OSBPL1A: variants seen among roughly 807,000 people sequenced by gnomAD.
The protein encoded by OSBPL1A is oxysterol-binding protein-related protein 1.
OSBPL1A carries 80 observed loss-of-function variants against 137.1 expected under a neutral mutation model. The ratio of observed to expected loss-of-function variants is 0.58; its 90% CI spans 0.49 to 0.70. The LOEUF (loss-of-function observed/expected upper bound fraction) is 0.70, where lower values mean the gene tolerates loss of function less well. OSBPL1A is among the 30% of genes least tolerant of loss of function. The probability of loss-of-function intolerance (pLI) is 0.00; values close to 1 mark genes in which losing one functional copy is unlikely to be tolerated. For missense variants in OSBPL1A, 970 were observed against 1,129.4 expected, an observed-to-expected ratio of 0.86 and a Z score of 2.02; for synonymous variants, 365 against 389.7, an observed-to-expected ratio of 0.94 and a Z score of 0.75.
intron 21 of OSBPL1A, among the ~76,000 whole-genome samples, chr18:24,174,881 T>C (rs2086383521): frequency 6.6e-6 from 1 of 151,546 alleles, no homozygotes; most frequent in South Asian, 2.1e-4. Context: ...CAAGTGACCC[T>C]CCTGCCTTAG....
rs528284527 is a variant in OSBPL1A, at chr18:24,353,277, A to C, written c.283-11619T>G. On this transcript the variant is annotated intron_variant, in intron 4 of 27. Transcript: ENST00000319481. ...GCGAAGGAGATGAACAGACACTTCT[A>C]AAAAGAAGACATTTACGCAGCCAAA... is the stretch of plus-strand genomic sequence containing the variant. Among the ~76,000 whole-genome samples the C allele has an allele frequency of 5.0e-3, 763 of 152,318 alleles. 3 individuals carry two copies. Among genetic ancestry groups the C allele is most frequent in the Non-Finnish European group, 5.6e-3 (379 of 68,018 alleles).
intron 11 of OSBPL1A, among the ~76,000 whole-genome samples, chr18:24,316,089 C>T (rs1210022399): frequency 2.0e-5 from 3 of 151,056 alleles, no homozygotes; most frequent in African/African-American, 7.3e-5. Flanking sequence ...GGCAAAACCC[C>T]GTCTTTACCA....
intron 15 of OSBPL1A, among the ~76,000 whole-genome samples, chr18:24,270,388 C>G (rs1004646462): frequency 4.6e-5 from 7 of 152,202 alleles, no homozygotes; most frequent in African/African-American, 1.7e-4. Flanking sequence ...TACTTCCCCC[C>G]CATTATGCAG....
chr18:24,387,356 A>C (rs984789068), intron 1 of OSBPL1A, among the ~76,000 whole-genome samples: 5 of 152,078 alleles, frequency 3.3e-5, no homozygotes, highest in African/African-American at 1.2e-4. Flanking sequence ...TGCCCAGCCC[A>C]AAAATATTTT....
chr18:24,308,253 C>T (rs2090544561), intron 13 of OSBPL1A, among the ~76,000 whole-genome samples: 1 of 150,746 alleles, frequency 6.6e-6, no homozygotes, highest in Admixed American at 6.6e-5. Context: ...GTAGCTGGGA[C>T]TACAGATATG....
At chr18:24,189,662 G>C (rs60534951) in intron 18 of OSBPL1A, among the ~76,000 whole-genome samples, 58,704 of 152,038 alleles carry the variant, frequency 0.39, 12,734 homozygotes, top group African/African-American at 0.58. Flanking sequence ...AGTTCCCCCC[G>C]CTCCACACGA....
At chr18:24,379,889 A>G (rs982145079) in intron 1 of OSBPL1A, among the ~76,000 whole-genome samples, 2 of 152,246 alleles carry the variant, frequency 1.3e-5, no homozygotes, top group East Asian at 3.9e-4. Context: ...GAATTTAAGG[A>G]AGTCTTACAG....
intron 17 of OSBPL1A, among the ~76,000 whole-genome samples, chr18:24,206,675 C>T (rs945907420): frequency 6.6e-6 from 1 of 152,208 alleles, no homozygotes; most frequent in Non-Finnish European, 1.5e-5. Context: ...CATGCTCCTC[C>T]ATTCAGGCTT....
In OSBPL1A at chr18:24,166,130, C is replaced by T. The variant is rs72883209; in HGVS notation, c.2659+449G>A. On this transcript the variant is annotated intron_variant, in intron 26 of 27. Coordinates refer to ENST00000319481, the MANE Select transcript of OSBPL1A (RefSeq NM_080597.4). ...AAAAAATGTTGTAATACCCCATTTA[C>T]CCTGATGTGATTATTACATATTACA... is the stretch of plus-strand genomic sequence containing the variant. Among the ~76,000 whole-genome samples the T allele has an allele frequency of 7.0e-3, 1,065 of 152,212 alleles. 6 individuals carry two copies. The highest frequency in any genetic ancestry group is 0.011 in the Non-Finnish European group (744 of 68,004).
intron 14 of OSBPL1A, among the ~76,000 whole-genome samples, chr18:24,298,636 C>T (rs191661149): frequency 1.8e-3 from 280 of 152,352 alleles, no homozygotes; most frequent in African/African-American, 5.7e-3. Context: ...TGAGCCACCG[C>T]GCCTGGCCGC....
intron 1 of OSBPL1A, among the ~76,000 whole-genome samples, chr18:24,387,178 G>A (rs1384941459): frequency 2.6e-5 from 4 of 151,942 alleles, no homozygotes; most frequent in Non-Finnish European, 2.9e-5. Flanking sequence ...TCAGTCTCCC[G>A]AGTAGCTGAG....
At chr18:24,332,504 T>C (rs1222479313) in intron 7 of OSBPL1A, among the ~76,000 whole-genome samples, 1 of 140,218 alleles carries the variant, frequency 7.1e-6, no homozygotes, top group South Asian at 2.3e-4. Context: ...TACTCAAGAG[T>C]GAGCTATGAT....
At chr18:24,314,569 A>G (rs1328967359) in intron 11 of OSBPL1A, among the ~76,000 whole-genome samples, 1 of 152,222 alleles carries the variant, frequency 6.6e-6, no homozygotes, top group African/African-American at 2.4e-5. Flanking sequence ...GTTACTCAAC[A>G]TAAATACTAT....
chr18:24,363,073 G>A (rs909089977), intron 4 of OSBPL1A, among the ~76,000 whole-genome samples: 1 of 152,228 alleles, frequency 6.6e-6, no homozygotes, highest in Non-Finnish European at 1.5e-5. Context: ...AGCAAATACA[G>A]CAGAAAACAA....
At chr18:24,393,103 T>A (rs896569270) in intron 1 of OSBPL1A, among the ~76,000 whole-genome samples, 2 of 152,074 alleles carry the variant, frequency 1.3e-5, no homozygotes, top group African/African-American at 4.8e-5. Context: ...AAAAAAAAAA[T>A]ACTTATTTGC....
At chr18:24,310,624 A>C (rs2090605438) in intron 13 of OSBPL1A, among the ~76,000 whole-genome samples, 1 of 145,164 alleles carries the variant, frequency 6.9e-6, no homozygotes, top group South Asian at 2.2e-4. Flanking sequence ...AAAAGAAAAG[A>C]AAAAAAAAAA....
At chr18:24,228,870 T>C (rs1395488485) in intron 16 of OSBPL1A, among the ~76,000 whole-genome samples, 1 of 152,086 alleles carries the variant, frequency 6.6e-6, no homozygotes, top group East Asian at 1.9e-4. Flanking sequence ...CATGAGACTG[T>C]GAGTCAGTCT....
chr18:24,275,111 G>A (rs185113783), intron 15 of OSBPL1A, among the ~76,000 whole-genome samples: 1 of 152,092 alleles, frequency 6.6e-6, no homozygotes. Flanking sequence ...GAACAGTTTC[G>A]GTGGACTTGC....
chr18:24,244,360 T>A (rs911245889), intron 15 of OSBPL1A, among the ~76,000 whole-genome samples: 5 of 152,226 alleles, frequency 3.3e-5, no homozygotes. Context: ...CCAACAGATA[T>A]GTTTATAATT....
Sources: gnomAD v4.1 joint callset for allele counts (sites outside exome capture counted in the v4.1 genomes callset) on GRCh38, gnomAD v4.1.1 for gene constraint, MANE v1.5 for transcripts, NCBI Gene and HGNC (gene_info 2026-07-23, HGNC 2026-07-21) for gene names.